The following EYA1 variants were observed in gnomAD, a reference collection of about 807,000 sequenced individuals.
EYA1 encodes protein phosphatase EYA1.
Under a neutral mutation model 82.0 loss-of-function variants are expected in EYA1, and 16 were observed. The ratio of observed to expected loss-of-function variants is 0.20; its 90% CI spans 0.13 to 0.30. EYA1 has a LOEUF of 0.30. EYA1 is among the 10% of genes least tolerant of loss of function. EYA1 has a pLI of 1.00. For synonymous variants in EYA1, 261 were observed against 264.4 expected (o/e 0.99, Z 0.12); for missense variants, 633 against 730.7 (o/e 0.87, Z 1.54).
intron 2 of EYA1, among the ~76,000 whole-genome samples, chr8:71,409,610 A>G: frequency 3.3e-5 from 1 of 30,618 alleles, no homozygotes; most frequent in East Asian, 5.7e-4. Context: ...ACGCAAATAA[A>G]CTAGAAAATC....
intron 2 of EYA1, among the ~76,000 whole-genome samples, chr8:71,451,692 T>C (rs1807391105): frequency 6.6e-6 from 1 of 152,226 alleles, no homozygotes; most frequent in Admixed American, 6.5e-5. Flanking sequence ...GAAATGAACA[T>C]ATCTTCATTA....
chr8:71,259,449 C>A (rs547000468), intron 11 of EYA1, among the ~76,000 whole-genome samples: 1 of 152,294 alleles, frequency 6.6e-6, no homozygotes, highest in East Asian at 1.9e-4. Flanking sequence ...TGGCAAAATG[C>A]ATAAAAGAAA....
chr8:71,520,879 T>G (rs576821928), intron 2 of EYA1, among the ~76,000 whole-genome samples: 7 of 152,262 alleles, frequency 4.6e-5, no homozygotes, highest in African/African-American at 1.4e-4. Flanking sequence ...CACATGTCAT[T>G]TTAAAACTTA....
At chr8:71,273,418 A>C (rs1816779016) in intron 9 of EYA1, among the ~76,000 whole-genome samples, 1 of 152,176 alleles carries the variant, frequency 6.6e-6, no homozygotes, top group Non-Finnish European at 1.5e-5. Context: ...TCATTCTCTA[A>C]ATCTACATTA....
intron 17 of EYA1, among the ~76,000 whole-genome samples, chr8:71,203,833 G>C (rs1029542037): frequency 3.9e-5 from 6 of 152,174 alleles, no homozygotes; most frequent in East Asian, 1.9e-4. Flanking sequence ...AATGGAGTGG[G>C]TGTAATAGAT....
intron 7 of EYA1, among the ~76,000 whole-genome samples, chr8:71,313,091 G>A (rs1162021733): frequency 2.6e-5 from 4 of 152,088 alleles, no homozygotes; most frequent in African/African-American, 9.7e-5. Context: ...TTTTTTGCCA[G>A]CGGCTCTTCC....
chr8:71,339,706 C>A (rs1412800410), intron 3 of EYA1, among the ~76,000 whole-genome samples: 1 of 152,272 alleles, frequency 6.6e-6, no homozygotes, highest in East Asian at 1.9e-4. Context: ...CAGGGTTTAA[C>A]CTATTTTACC....
At chr8:71,277,916 T>G (rs1019164492) in intron 9 of EYA1, among the ~76,000 whole-genome samples, 27 of 152,208 alleles carry the variant, frequency 1.8e-4, no homozygotes, top group African/African-American at 6.3e-4. Flanking sequence ...TATTAAGTCA[T>G]AAAATATTAA....
Position 71,226,122 on chromosome 8 carries a change from T to G in EYA1, c.1141-9099A>C, listed in dbSNP as rs574220964. Among the ~76,000 whole-genome samples, 9 of 152,276 alleles carry G rather than the reference T, an allele frequency of 5.9e-5. No individual in the cohort carries two copies. In the East Asian group the frequency reaches 1.7e-3, roughly 29 times the overall value. On this transcript the variant is annotated intron_variant, in intron 12 of 17. Coordinates refer to ENST00000340726, the MANE Select transcript of EYA1 (RefSeq NM_000503.6). ...GCTATGTGCTGGTATATGCATAAAA[T>G]TATGGTAAATATTTGAGATCACTAA...
chr8:71,417,582 T>A (rs1292279027), intron 2 of EYA1, among the ~76,000 whole-genome samples: 1 of 152,188 alleles, frequency 6.6e-6, no homozygotes, highest in Non-Finnish European at 1.5e-5. Flanking sequence ...AAAGCTCCTA[T>A]TTACATTATA....
At chr8:71,402,663 G>T (rs942826315) in intron 2 of EYA1, among the ~76,000 whole-genome samples, 5 of 152,090 alleles carry the variant, frequency 3.3e-5, no homozygotes, top group Non-Finnish European at 7.4e-5. Context: ...CCCAAATTTT[G>T]CATTGAAGAG....
chr8:71,206,251 C>A (rs1345101757), intron 17 of EYA1, among the ~76,000 whole-genome samples: 1 of 150,810 alleles, frequency 6.6e-6, no homozygotes, highest in African/African-American at 2.4e-5. Flanking sequence ...CAGGGTCTTA[C>A]TCTGTCACCC....
chr8:71,477,265 TA>T (rs1809735850), intron 2 of EYA1, among the ~76,000 whole-genome samples: 5 of 152,012 alleles, frequency 3.3e-5, no homozygotes, highest in Admixed American at 2.0e-4. Flanking sequence ...TAAACTATCA[TA>T]AAAGTAAAAA....
chr8:71,535,313 C>T (rs549546551), intron 2 of EYA1, among the ~76,000 whole-genome samples: 20 of 152,274 alleles, frequency 1.3e-4, no homozygotes, highest in African/African-American at 4.8e-4. Context: ...AACTGTGAAA[C>T]TTCTTCACTA....
At chr8:71,226,044 T>TA (rs1810516599) in intron 12 of EYA1, among the ~76,000 whole-genome samples, 3 of 152,314 alleles carry the variant, frequency 2.0e-5, no homozygotes, top group African/African-American at 4.8e-5. Context: ...AAGTCTTTAC[T>TA]GAAAGTTCCT....
At chr8:71,374,492 G>A (rs923752573) in intron 2 of EYA1, among the ~76,000 whole-genome samples, 3 of 152,104 alleles carry the variant, frequency 2.0e-5, no homozygotes, top group Non-Finnish European at 2.9e-5. Context: ...AAGAAGTGTC[G>A]ATGAACGTGT....
chr8:71,434,621 G>A (rs1204988693), intron 2 of EYA1, among the ~76,000 whole-genome samples: 1 of 152,126 alleles, frequency 6.6e-6, no homozygotes, highest in Admixed American at 6.6e-5. Context: ...ACTTCACCAG[G>A]AACGTCATAC....
At chr8:71,328,362 G>A (rs780208824) in intron 4 of EYA1, among the ~76,000 whole-genome samples, 3 of 152,122 alleles carry the variant, frequency 2.0e-5, no homozygotes, top group Admixed American at 1.3e-4. Flanking sequence ...AGAGAATACC[G>A]ATTCCGGGGT....
At chr8:71,341,811 T>C (rs1192164663) in intron 3 of EYA1, among the ~76,000 whole-genome samples, 1 of 152,086 alleles carries the variant, frequency 6.6e-6, no homozygotes, top group Non-Finnish European at 1.5e-5. Context: ...AATAAACACA[T>C]CCAGACTAAA....
Sources: gnomAD v4.1 joint callset for allele counts (sites outside exome capture counted in the v4.1 genomes callset) on GRCh38, gnomAD v4.1.1 for gene constraint, MANE v1.5 for transcripts, NCBI Gene and HGNC (gene_info 2026-07-23, HGNC 2026-07-21) for gene names.